VWCE: variants seen among roughly 807,000 people sequenced by gnomAD.
VWCE encodes von Willebrand factor C and EGF domains, also known as von Willebrand factor C and EGF domain-containing protein.
In VWCE, 68 loss-of-function variants were observed where a neutral mutation model predicts 102.9. That is an observed-to-expected ratio of 0.66 (90% CI 0.54 to 0.81). The LOEUF (loss-of-function observed/expected upper bound fraction) is 0.81, where lower values mean the gene tolerates loss of function less well. Among genes scored for constraint, VWCE ranks in the 30% least tolerant of loss-of-function variants. The probability of loss-of-function intolerance (pLI) is 0.00; values close to 1 mark genes in which losing one functional copy is unlikely to be tolerated. For synonymous variants in VWCE, 497 were observed against 515.4 expected, an observed-to-expected ratio of 0.96 and a Z score of 0.48; for missense variants, 1,137 against 1,263.6, an observed-to-expected ratio of 0.90 and a Z score of 1.52.
At chr11:61,282,757 G>A (rs766086250) in intron 6 of VWCE, 32 bp downstream of exon 6, 1 of 1,570,476 alleles carries the variant, frequency 6.4e-7, no homozygotes, top group East Asian at 2.2e-5. Context: ...GGCAGCCTAA[G>A]TGTGCAGACC....
Position 61,259,283 on chromosome 11 carries a change from C to A in VWCE, c.2260G>T (p.Gly754Trp). The A allele has an allele frequency of 6.3e-7, 1 of 1,593,900 alleles. No individual in the cohort carries two copies. Among genetic ancestry groups the A allele is most frequent in the Admixed American group, 1.7e-5 (1 of 57,852 alleles). The change falls in exon 20 of 20, where the codon GGG becomes TGG. Residue 754 changes from glycine to tryptophan, a missense_variant. Gly to Trp is a radical substitution (Grantham distance 184). Transcript: ENST00000335613. ...GCCACATTTCCGTGAGGGGAGAGCC[C>A]CTGCTTTTCTTCCAGAGGAGACAGG... ...DSLSPLEEKQ[G>W]LSPHGNVAFS...
chr11:61,295,082 C>G lies in VWCE; in HGVS notation c.-45G>C. On this transcript the variant is annotated 5_prime_UTR_variant, in exon 1 of 20. Transcript: ENST00000335613. The surrounding 1 kb of genome is among the most constrained non-coding windows in gnomAD (Gnocchi z 4.6). ...CCCGGGCTGGGCTCGGCTCCTGCGCCGCGCGCGGGAGAGGGGGCTGCCGGC... is the reference window on the plus strand; with the variant it reads ...CCCGGGCTGGGCTCGGCTCCTGCGCGGCGCGCGGGAGAGGGGGCTGCCGGC... The G allele has an allele frequency of 8.2e-7, 1 of 1,219,178 alleles. No homozygotes were observed. Among genetic ancestry groups the G allele is most frequent in the Non-Finnish European group, 1.0e-6 (1 of 956,730 alleles). The allele number at this position is 1,219,178 out of a possible 1,614,324, so 75.5% of individuals were successfully genotyped here. A position where few individuals can be genotyped will look rare whatever the true frequency, so the allele number is the denominator to read the frequency against.
At chr11:61,273,167 C>A in intron 13 of VWCE, 32 bp downstream of exon 13, 1 of 1,606,380 alleles carries the variant, frequency 6.2e-7, no homozygotes, top group Non-Finnish European at 8.5e-7. Flanking sequence ...AGTATCCATG[C>A]CCTGTGTCGG....
rs375684644 is a variant in VWCE at position 61,290,937 on chromosome 11, G to A, written c.296-10C>T. On this transcript the variant is annotated splice_polypyrimidine_tract_variant and intron_variant, in intron 3 of 19. Coordinates refer to ENST00000335613, the MANE Select transcript of VWCE (RefSeq NM_152718.2). ...CATGGTCCATGGGTTTCTAGAGCAGGCATCACACCAGTGAGCATGCACCCC... is the reference window on the plus strand; with the variant it reads ...CATGGTCCATGGGTTTCTAGAGCAGACATCACACCAGTGAGCATGCACCCC... 1.1e-5 allele frequency: 17 copies of A among 1,611,494 alleles called. No homozygotes were observed. The highest frequency in any genetic ancestry group is 1.4e-5 in the Non-Finnish European group (16 of 1,178,780).
In VWCE at chr11:61,259,106, A is replaced by AC. The variant is rs763196681; in HGVS notation, c.2436_2437insG (p.Leu813ValfsTer115). On this transcript the variant is annotated frameshift_variant, in exon 20 of 20. Transcript: ENST00000335613. LOFTEE classifies it low-confidence loss of function (END_TRUNC). ...TGAGCTCCTGCCGGGCTTGTAGGTA[A>AC]AGTCTGTGTTTTCATCAAGTTCGTT... 16 of 1,613,886 alleles carry AC rather than the reference A, an allele frequency of 9.9e-6. No individual in the cohort carries two copies. The highest frequency in any genetic ancestry group is 1.4e-5 in the Non-Finnish European group (16 of 1,179,982).
In VWCE at chr11:61,269,079, C is replaced by T. The variant is rs999455327; in HGVS notation, c.1786-61G>A. The T allele has an allele frequency of 2.6e-6, 4 of 1,521,194 alleles. No individual in the cohort carries two copies. The African/African-American group carries it at 4.1e-5, about 16-fold the overall frequency. The allele number at this position is 1,521,194 out of a possible 1,614,324, so 94.2% of individuals were successfully genotyped here. Reference sequence around the variant, plus strand: ...GTGACACCGGCCCCTGCCTCCCCGCCCTGCAAAAGAAACAGCAACGCTGCA... The same window carrying T: ...GTGACACCGGCCCCTGCCTCCCCGCTCTGCAAAAGAAACAGCAACGCTGCA... On this transcript the variant is annotated intron_variant, in intron 14 of 19. Transcript: ENST00000335613.
At chr11:61,266,715 CAA>C (rs1854523101) in intron 16 of VWCE, among the ~76,000 whole-genome samples, 1 of 152,264 alleles carries the variant, frequency 6.6e-6, no homozygotes, top group South Asian at 2.1e-4. Context: ...GGGATCTGAG[CAA>C]AGACTCTCTC....
At chr11:61,281,684 G>T in intron 7 of VWCE, 102 bp downstream of exon 7, 2 of 1,420,878 alleles carry the variant, frequency 1.4e-6, no homozygotes, top group Non-Finnish European at 9.3e-7. Context: ...GCTGGGCGCC[G>T]GGAGGGCGTG....
chr11:61,279,279 A>C (rs1452434693), intron 9 of VWCE, among the ~76,000 whole-genome samples: 1 of 152,136 alleles, frequency 6.6e-6, no homozygotes, highest in Non-Finnish European at 1.5e-5. Flanking sequence ...ACAGTCATTA[A>C]GAAAATCAAG....
At chr11:61,273,992 G>T (rs1854823658) in intron 12 of VWCE, among the ~76,000 whole-genome samples, 1 of 152,128 alleles carries the variant, frequency 6.6e-6, no homozygotes, top group Admixed American at 6.5e-5. Flanking sequence ...CACTGGCCCT[G>T]CTTCTAGGGA....
At chr11:61,270,043 G>A (rs970776346) in intron 14 of VWCE, among the ~76,000 whole-genome samples, 15 of 150,888 alleles carry the variant, frequency 9.9e-5, no homozygotes, top group African/African-American at 3.4e-4. Context: ...TCAGCCTCCC[G>A]AGTAGCTGGG....
At chr11:61,266,156 A>C (rs1854508645) in intron 16 of VWCE, among the ~76,000 whole-genome samples, 1 of 152,222 alleles carries the variant, frequency 6.6e-6, no homozygotes. Flanking sequence ...TGAGGCCAGG[A>C]ATTCAAGACC....
Position 61,259,223 on chromosome 11 carries a change from T to C in VWCE, c.2320A>G (p.Thr774Ala), listed in dbSNP as rs1854283121. 6.2e-7 allele frequency: 1 copy of C among 1,613,948 alleles called. No homozygotes were observed. The highest frequency in any genetic ancestry group is 1.1e-5 in the South Asian group (1 of 91,080). Residue 774 changes from threonine to alanine, a missense_variant, in exon 20 of 20, where the codon ACT becomes GCT. Transcript: ENST00000335613. ...GAGCTACAGTTGACAGGGGCCTCAG[T>C]GTCTCCATGCAGGCTCCGACCAGCT... ...SKAGRSLHGD[T>A]EAPVNCSSCP...
intron 9 of VWCE, among the ~76,000 whole-genome samples, chr11:61,278,900 G>T (rs529788804): frequency 2.0e-5 from 3 of 152,004 alleles, no homozygotes; most frequent in Admixed American, 2.0e-4. Flanking sequence ...TTAGCTGGGC[G>T]TGGTGGCGTG....
Position 61,294,996 on chromosome 11 carries a change from G to C in VWCE, c.42C>G (p.Leu14=). Residue 14 remains leucine, a synonymous_variant, in exon 1 of 20, where the codon CTC becomes CTG. Transcript: ENST00000335613. The surrounding 1 kb of genome is among the most constrained non-coding windows in gnomAD (Gnocchi z 6.3). The part of the protein sequence containing the change: ...GLLLRAACVA[L]LLPGAPARGY... Reference sequence around the variant, plus strand: ...CTCGGGCTGGTGCCCCCGGCAGCAGGAGCGCGACACAGGCGGCCCGAAGGA... The same window carrying C: ...CTCGGGCTGGTGCCCCCGGCAGCAGCAGCGCGACACAGGCGGCCCGAAGGA... 6.8e-7 allele frequency: 1 copy of C among 1,473,548 alleles called. No individual in the cohort carries two copies. Among genetic ancestry groups the C allele is most frequent in the Non-Finnish European group, 9.0e-7 (1 of 1,113,734 alleles). 91.3% of individuals were successfully genotyped at this position (1,473,548 alleles called of 1,614,324 possible). A position where few individuals can be genotyped will look rare whatever the true frequency, so the allele number is the denominator to read the frequency against.
chr11:61,261,213 C>G (rs1270319358), intron 19 of VWCE, among the ~76,000 whole-genome samples: 1 of 148,548 alleles, frequency 6.7e-6, no homozygotes, highest in African/African-American at 2.6e-5. Context: ...GAGAGAGACT[C>G]CATCTCAAAA....
Position 61,281,007 on chromosome 11 carries a change from G to C in VWCE, c.1016C>G (p.Thr339Ser). Residue 339 changes from threonine (T) to serine (S), a missense_variant, in exon 8 of 20, where the codon ACC (threonine) becomes AGC (serine). By Grantham distance (58) the Thr-to-Ser change is moderately conservative. Coordinates refer to ENST00000335613, the MANE Select transcript of VWCE (RefSeq NM_152718.2). The part of the protein sequence containing the change: ...SPSAPVWLLS[T>S]LLATPVPTAS... ...AGTAGGCACTGGGGTGGCCAGCAGG[G>C]TGGACAGCAGCCACACAGGGGCAGA... The C allele has an allele frequency of 2.6e-6, 4 of 1,561,724 alleles. No individual in the cohort carries two copies. Among genetic ancestry groups the C allele is most frequent in the Non-Finnish European group, 3.5e-6 (4 of 1,153,544 alleles).
intron 4 of VWCE, among the ~76,000 whole-genome samples, chr11:61,287,985 C>T (rs1479743783): frequency 6.6e-6 from 1 of 151,388 alleles, no homozygotes; most frequent in East Asian, 1.9e-4. Flanking sequence ...GAAACCCCGT[C>T]TCTACTAAAA....
At chr11:61,278,847 C>T (rs912659613) in intron 9 of VWCE, among the ~76,000 whole-genome samples, 3 of 151,750 alleles carry the variant, frequency 2.0e-5, no homozygotes, top group African/African-American at 7.3e-5. Flanking sequence ...GAGACCAGCC[C>T]GGCCAACATG....
Sources: allele counts gnomAD v4.1 joint callset (sites outside exome capture counted in the v4.1 genomes callset), GRCh38; gene constraint gnomAD v4.1.1; non-coding constraint Gnocchi (gnomAD v3.1); transcripts MANE v1.5; gene names NCBI Gene and HGNC (gene_info 2026-07-23, HGNC 2026-07-21).